Variants in OSBPL1A observed in about 807,000 individuals in gnomAD.
The protein encoded by OSBPL1A is oxysterol-binding protein-related protein 1.
Under a neutral mutation model 137.1 loss-of-function variants are expected in OSBPL1A, and 80 were observed. The ratio of observed to expected loss-of-function variants is 0.58; its 90% CI spans 0.49 to 0.70. The LOEUF (loss-of-function observed/expected upper bound fraction) is 0.70, where lower values mean the gene tolerates loss of function less well. Among genes scored for constraint, OSBPL1A ranks in the 30% least tolerant of loss-of-function variants. OSBPL1A has a pLI of 0.00. For synonymous variants in OSBPL1A, 365 were observed against 389.7 expected, an observed-to-expected ratio of 0.94 and a Z score of 0.75; for missense variants, 970 against 1,129.4, an observed-to-expected ratio of 0.86 and a Z score of 2.02.
At chr18:24,165,223 A>T (rs187961480) in intron 26 of OSBPL1A, 68 bp from the exon 27 acceptor site, 131 of 1,360,452 alleles carry the variant, frequency 9.6e-5, no homozygotes, top group Non-Finnish European at 5.3e-5. Context: ...AGTATTAAGC[A>T]CAAGAACTTC....
Position 24,162,415 on chromosome 18 carries a change from GTGAT to G in OSBPL1A, c.*760_*763del, listed in dbSNP as rs553339884. 1 of 152,190 alleles carries G rather than the reference GTGAT, an allele frequency of 6.6e-6. No individual in the cohort carries two copies. Among genetic ancestry groups the G allele is most frequent in the Non-Finnish European group, 1.5e-5 (1 of 68,022 alleles). 9.4% of individuals were successfully genotyped at this position (152,190 alleles called of 1,614,324 possible). On this transcript the variant is annotated 3_prime_UTR_variant, in exon 28 of 28. Transcript: ENST00000319481. ...TAACAAGGTTTGTCATTATGTAATGGTGATTAAAATCTATATTTCTAGGGCATTT... is the reference window on the plus strand; with the variant it reads ...TAACAAGGTTTGTCATTATGTAATGGTAAAATCTATATTTCTAGGGCATTT...
intron 1 of OSBPL1A, among the ~76,000 whole-genome samples, chr18:24,379,879 G>T (rs1157549843): frequency 6.6e-6 from 1 of 151,978 alleles, no homozygotes; most frequent in Non-Finnish European, 1.5e-5. Context: ...TTAAAAAAAA[G>T]AATTTAAGGA....
At chr18:24,311,648 A>T (rs2090621579) in intron 13 of OSBPL1A, 2 of 348,348 alleles carry the variant, frequency 5.7e-6, no homozygotes, top group African/African-American at 4.4e-5. Flanking sequence ...GAAGTCATAA[A>T]GGGCATCAAG....
intron 16 of OSBPL1A, among the ~76,000 whole-genome samples, chr18:24,226,003 C>A (rs2088064711): frequency 6.6e-6 from 1 of 152,058 alleles, no homozygotes; most frequent in Non-Finnish European, 1.5e-5. Context: ...TTTAAAAATA[C>A]TTTTTCCAGG....
intron 1 of OSBPL1A, among the ~76,000 whole-genome samples, chr18:24,379,720 T>A (rs1047951521): frequency 2.0e-5 from 3 of 149,168 alleles, no homozygotes; most frequent in East Asian, 2.0e-4. Flanking sequence ...AAAAAAAAAA[T>A]TTAGCCAGGT....
intron 14 of OSBPL1A, among the ~76,000 whole-genome samples, chr18:24,286,536 A>T (rs547493471): frequency 6.6e-6 from 1 of 152,330 alleles, no homozygotes; most frequent in South Asian, 2.1e-4. Flanking sequence ...AATATCAGGG[A>T]TGTTGTGAGA....
intron 14 of OSBPL1A, among the ~76,000 whole-genome samples, chr18:24,283,282 ATATATATATATATATAT>A (rs1174170046): frequency 7.1e-5 from 3 of 42,250 alleles, no homozygotes; most frequent in Non-Finnish European, 1.3e-4. Context: ...AAAAAAAAAA[ATATATATATATATATAT>A]ATATGTATAT....
At chr18:24,197,629 A>T (rs1219316838) in intron 17 of OSBPL1A, among the ~76,000 whole-genome samples, 2 of 152,140 alleles carry the variant, frequency 1.3e-5, no homozygotes, top group Non-Finnish European at 2.9e-5. Flanking sequence ...ATGGTATTTA[A>T]ATCACATTCC....
At chr18:24,206,139 C>A (rs898197282) in intron 17 of OSBPL1A, among the ~76,000 whole-genome samples, 1 of 152,206 alleles carries the variant, frequency 6.6e-6, no homozygotes. Flanking sequence ...TGTCCTCGCA[C>A]CTTGGCCTCC....
Position 24,170,202 on chromosome 18 carries a change from G to C in OSBPL1A, c.2418+125C>G, listed in dbSNP as rs2086241336. Reference sequence around the variant, plus strand: ...GTCTGATCATTAAAAAGAGAAAAGTGACATGCATTAGCAACAAGGAAGAAG... The same window carrying C: ...GTCTGATCATTAAAAAGAGAAAAGTCACATGCATTAGCAACAAGGAAGAAG... On this transcript the variant is annotated intron_variant, in intron 24 of 27. Coordinates refer to ENST00000319481, the MANE Select transcript of OSBPL1A (RefSeq NM_080597.4). 3 of 1,097,526 alleles carry C rather than the reference G, an allele frequency of 2.7e-6. No homozygotes were observed. In the South Asian group the frequency reaches 4.7e-5, roughly 17 times the overall value. 68.0% of individuals were successfully genotyped at this position (1,097,526 alleles called of 1,614,324 possible).
At position 24,362,508 on chromosome 18, in the gene OSBPL1A, G is replaced by C. The variant is rs531414365; in HGVS notation, c.282+4384C>G. Among the ~76,000 whole-genome samples, 3 of 152,292 alleles carry C rather than the reference G, an allele frequency of 2.0e-5. No individual in the cohort carries two copies. In the South Asian group the frequency reaches 6.2e-4, roughly 32 times the overall value. ...ATTGACTCATGGTAACGTATTAAAAGTTAGTTAAATCTAGTCATTAGAATA... is the reference window on the plus strand; with the variant it reads ...ATTGACTCATGGTAACGTATTAAAACTTAGTTAAATCTAGTCATTAGAATA... On this transcript the variant is annotated intron_variant, in intron 4 of 27. Coordinates refer to ENST00000319481, the MANE Select transcript of OSBPL1A (RefSeq NM_080597.4).
intron 12 of OSBPL1A, 65 bp downstream of exon 12, chr18:24,314,184 T>C (rs1827909939): frequency 1.8e-6 from 2 of 1,096,036 alleles, no homozygotes; most frequent in Non-Finnish European, 2.7e-6. Context: ...GAACCTATGT[T>C]ATATTCTCCG....
At position 24,259,913 on chromosome 18, in the gene OSBPL1A, T is replaced by C. The variant is rs115371867; in HGVS notation, c.1282-20531A>G. Among the ~76,000 whole-genome samples, 160 of 152,280 alleles carry C rather than the reference T, an allele frequency of 1.1e-3. 1 individual carries two copies. The highest frequency in any genetic ancestry group is 3.7e-3 in the African/African-American group (152 of 41,552). On this transcript the variant is annotated intron_variant, in intron 15 of 27. Coordinates refer to ENST00000319481, the MANE Select transcript of OSBPL1A (RefSeq NM_080597.4). Reference sequence around the variant, plus strand: ...ACAACCCAGGAAATGGAAGGAAGTATTTGCAAATCATATATCTAACAAGGG... The same window carrying C: ...ACAACCCAGGAAATGGAAGGAAGTACTTGCAAATCATATATCTAACAAGGG...
At chr18:24,276,439 T>C (rs1442747567) in intron 15 of OSBPL1A, among the ~76,000 whole-genome samples, 1 of 152,186 alleles carries the variant, frequency 6.6e-6, no homozygotes, top group African/African-American at 2.4e-5. Flanking sequence ...AAGCAGTTTT[T>C]TTGTTTGTTT....
chr18:24,377,585 T>G, intron 1 of OSBPL1A, 50 bp from the exon 2 acceptor site: 1 of 1,505,490 alleles, frequency 6.6e-7, no homozygotes, highest in Middle Eastern at 1.8e-4. Flanking sequence ...CATAATTAGC[T>G]TTTAGATATC....
chr18:24,206,386 G>C (rs1054236694), intron 17 of OSBPL1A, among the ~76,000 whole-genome samples: 4 of 152,086 alleles, frequency 2.6e-5, no homozygotes, highest in African/African-American at 9.7e-5. Flanking sequence ...AACTCAGGAG[G>C]GACTCTGACT....
chr18:24,164,937 G>T, intron 27 of OSBPL1A, 128 bp downstream of exon 27: 2 of 882,732 alleles, frequency 2.3e-6, no homozygotes, highest in Non-Finnish European at 1.8e-6. Context: ...TTCAGGCCTG[G>T]GACAACTCGG....
At chr18:24,234,110 C>CAACACTGA (rs1221786670) in intron 16 of OSBPL1A, among the ~76,000 whole-genome samples, 1 of 152,182 alleles carries the variant, frequency 6.6e-6, no homozygotes, top group East Asian at 1.9e-4. Context: ...AAAGAAAAAA[C>CAACACTGA]AACACTGATA....
At chr18:24,319,243 T>C (rs1002482553) in intron 7 of OSBPL1A, among the ~76,000 whole-genome samples, 1 of 152,178 alleles carries the variant, frequency 6.6e-6, no homozygotes, top group Non-Finnish European at 1.5e-5. Context: ...TCTTCCTCCA[T>C]CTCCAAAGCA....
Sources: allele counts gnomAD v4.1 joint callset (sites outside exome capture counted in the v4.1 genomes callset), GRCh38; gene constraint gnomAD v4.1.1; transcripts MANE v1.5; gene names NCBI Gene and HGNC (gene_info 2026-07-23, HGNC 2026-07-21).